TCF4: variants seen among roughly 807,000 people sequenced by gnomAD.
TCF4 encodes the protein transcription factor 4, also known as SL3-3 enhancer factor 2.
Under a neutral mutation model 82.1 loss-of-function variants are expected in TCF4, and 3 were observed. The observed-to-expected ratio is 0.04, with a 90% CI of 0.02 to 0.09. The LOEUF (loss-of-function observed/expected upper bound fraction) is 0.09, where lower values mean the gene tolerates loss of function less well. Among genes scored for constraint, TCF4 ranks in the 10% least tolerant of loss-of-function variants. The probability of loss-of-function intolerance (pLI) is 1.00; values close to 1 mark genes in which losing one functional copy is unlikely to be tolerated. For synonymous variants in TCF4, 276 were observed against 309.6 expected, an observed-to-expected ratio of 0.89 and a Z score of 1.14; for missense variants, 518 against 852.7, an observed-to-expected ratio of 0.61 and a Z score of 4.89.
chr18:55,388,170 A>G (rs1488503822), intron 6 of TCF4, among the ~76,000 whole-genome samples: 1 of 152,260 alleles, frequency 6.6e-6, no homozygotes, highest in Non-Finnish European at 1.5e-5. Flanking sequence ...CATATAAAGT[A>G]AACATGAAGA....
chr18:55,370,474 T>C (rs74441911), intron 6 of TCF4, among the ~76,000 whole-genome samples: 1,804 of 147,618 alleles, frequency 0.012, 24 homozygotes, highest in African/African-American at 0.034. Flanking sequence ...GATAGATAGA[T>C]AGACAGACAT....
intron 5 of TCF4, among the ~76,000 whole-genome samples, chr18:55,419,936 T>C (rs796316446): frequency 1.3e-5 from 2 of 152,164 alleles, no homozygotes; most frequent in Non-Finnish European, 1.5e-5. Context: ...ACCCCTTCTT[T>C]AAAATTCTCA....
intron 6 of TCF4, among the ~76,000 whole-genome samples, chr18:55,367,755 T>G (rs1435135073): frequency 6.6e-6 from 1 of 152,080 alleles, no homozygotes; most frequent in Non-Finnish European, 1.5e-5. Context: ...CCCTCTATAT[T>G]CAAACAGAAG....
intron 3 of TCF4, among the ~76,000 whole-genome samples, chr18:55,516,769 G>T (rs1171097069): frequency 6.6e-6 from 1 of 152,140 alleles, no homozygotes; most frequent in East Asian, 1.9e-4. Context: ...TGCATTTGCA[G>T]AACACTAAGA....
chr18:55,367,947 G>A (rs1305991761), intron 6 of TCF4, among the ~76,000 whole-genome samples: 1 of 152,154 alleles, frequency 6.6e-6, no homozygotes, highest in Non-Finnish European at 1.5e-5. Flanking sequence ...ACAGGTGAAA[G>A]ACAATGTAAA....
chr18:55,507,748 T>C (rs1309119950), intron 3 of TCF4, among the ~76,000 whole-genome samples: 3 of 152,056 alleles, frequency 2.0e-5, no homozygotes, highest in African/African-American at 4.8e-5. Flanking sequence ...TGAAACTTAA[T>C]TGGGTGTGGA....
intron 10 of TCF4, among the ~76,000 whole-genome samples, chr18:55,271,716 A>G (rs1385741684): frequency 6.6e-6 from 1 of 152,106 alleles, no homozygotes; most frequent in African/African-American, 2.4e-5. Flanking sequence ...TTGCCACCTA[A>G]TGAACACCCA....
In TCF4 at chr18:55,332,473, A is replaced by C. The variant is rs556696119; in HGVS notation, c.549+17886T>G. On this transcript the variant is annotated intron_variant, in intron 8 of 19. Coordinates refer to ENST00000354452, the MANE Select transcript of TCF4 (RefSeq NM_001083962.2). ...CTGTTATCATGGACCACATGATTAC[A>C]TAATTTAGGATGCACTTGCTATCAC... 1.6e-3 allele frequency among the ~76,000 whole-genome samples: 238 copies of C among 152,358 alleles called. 5 individuals carry two copies. In the South Asian group the frequency reaches 0.048, roughly 30 times the overall value.
intron 6 of TCF4, among the ~76,000 whole-genome samples, chr18:55,373,833 T>A (rs1359068314): frequency 6.6e-6 from 1 of 151,390 alleles, no homozygotes; most frequent in Non-Finnish European, 1.5e-5. Flanking sequence ...ATAATAATAA[T>A]AAAATAGGGA....
intron 4 of TCF4, 99 bp downstream of exon 4, chr18:55,463,977 T>TGTGTGTGAGA (rs867214369): frequency 1.2e-4 from 35 of 303,776 alleles, no homozygotes; most frequent in East Asian, 4.0e-4. Flanking sequence ...TGTGTGTGTG[T>TGTGTGTGAGA]GAGAGAGAGA....
chr18:55,444,486 C>T (rs920343500), intron 5 of TCF4, among the ~76,000 whole-genome samples: 2 of 152,064 alleles, frequency 1.3e-5, no homozygotes, highest in Non-Finnish European at 2.9e-5. Flanking sequence ...TTTCCAGTTG[C>T]GCTTTTGAAG....
chr18:55,485,026 A>G (rs2096495155), intron 3 of TCF4, among the ~76,000 whole-genome samples: 1 of 152,218 alleles, frequency 6.6e-6, no homozygotes. Context: ...AATGAGCACT[A>G]AGACACAAAG....
intron 8 of TCF4, among the ~76,000 whole-genome samples, chr18:55,281,174 G>GA (rs1269761367): frequency 4.0e-5 from 6 of 151,646 alleles, no homozygotes; most frequent in African/African-American, 7.3e-5. Context: ...TTACAATAAG[G>GA]AAAAAAAACT....
chr18:55,458,025 CAAT>C (rs2144675071), intron 5 of TCF4, among the ~76,000 whole-genome samples: 1 of 151,004 alleles, frequency 6.6e-6, no homozygotes, highest in Admixed American at 6.6e-5. Flanking sequence ...TCTTTCTTTG[CAAT>C]AAAATAAAAC....
At chr18:55,423,419 GC>G (rs2094850125) in intron 5 of TCF4, 1 of 74,590 alleles carries the variant, frequency 1.3e-5, no homozygotes, top group Non-Finnish European at 2.5e-5. Flanking sequence ...AGAGGCACAC[GC>G]GCGCGCGCAC....
intron 6 of TCF4, among the ~76,000 whole-genome samples, chr18:55,395,376 C>A (rs540222797): frequency 6.6e-6 from 1 of 152,132 alleles, no homozygotes; most frequent in Non-Finnish European, 1.5e-5. Context: ...ATTTTAAAAA[C>A]GCTTAATGGT....
intron 5 of TCF4, among the ~76,000 whole-genome samples, chr18:55,412,707 C>T (rs1249468165): frequency 6.6e-6 from 1 of 152,122 alleles, no homozygotes; most frequent in Admixed American, 6.6e-5. Context: ...GTAATAGAGA[C>T]AACATCATCT....
At position 55,602,355 on chromosome 18, in the gene TCF4, G is replaced by A. The variant is rs540595843; in HGVS notation, c.287-15219C>T. Among the ~76,000 whole-genome samples, 129 of 152,298 alleles carry A rather than the reference G, an allele frequency of 8.5e-4. 1 individual carries two copies. Among genetic ancestry groups the A allele is most frequent in the Non-Finnish European group, 1.6e-3 (110 of 68,016 alleles). On this transcript the variant is annotated intron_variant, in intron 2 of 20. Transcript: ENST00000398339. ...ACTCTCCTGCCCTTGGCTAGGAGAT[G>A]CCTATACCACAGCTTTTTTAGCCAT...
intron 8 of TCF4, among the ~76,000 whole-genome samples, chr18:55,300,999 A>G (rs61023611): frequency 0.054 from 8,163 of 152,214 alleles, 270 homozygotes; most frequent in African/African-American, 0.094. Context: ...GGCCCAGAGC[A>G]GGGAATGACC....
Sources: gnomAD v4.1 joint callset for allele counts (sites outside exome capture counted in the v4.1 genomes callset) on GRCh38, gnomAD v4.1.1 for gene constraint, MANE v1.5 for transcripts, NCBI Gene and HGNC (gene_info 2026-07-23, HGNC 2026-07-21) for gene names.